KIN: variants seen among roughly 807,000 people sequenced by gnomAD.
KIN encodes Kin17 DNA and RNA binding protein.
KIN carries 47 observed loss-of-function variants against 63.0 expected under a neutral mutation model. The ratio of observed to expected loss-of-function variants is 0.75; its 90% CI spans 0.59 to 0.95. The LOEUF is 0.95. Ranked by LOEUF, KIN falls within the 40% of genes least tolerant of loss-of-function variation. The pLI is 0.00. For synonymous variants in KIN, 160 were observed against 157.7 expected (o/e 1.01, Z -0.11); for missense variants, 408 against 460.9 (o/e 0.89, Z 1.05).
At chr10:7,776,743 A>AG (rs950346617) in intron 5 of KIN, among the ~76,000 whole-genome samples, 1 of 145,462 alleles carries the variant, frequency 6.9e-6, no homozygotes, top group Admixed American at 7.0e-5. Context: ...AAAAAAAAAA[A>AG]AAAAGAAAAG....
rs1835270531 is a variant in KIN at position 7,753,222 on chromosome 10, G to C, written c.*2858C>G. The C allele has an allele frequency of 6.6e-6, 1 of 152,164 alleles. No individual in the cohort carries two copies. Among genetic ancestry groups the C allele is most frequent in the Non-Finnish European group, 1.5e-5 (1 of 68,028 alleles). The allele number at this position is 152,164 out of a possible 1,614,324, so 9.4% of individuals were successfully genotyped here. ...TCTATAATCGTATTTTTATGCTTCA[G>C]ATATTTTTTATTGAATTTAACCTCA... On this transcript the variant is annotated 3_prime_UTR_variant, in exon 13 of 13. Transcript: ENST00000379562.
intron 5 of KIN, among the ~76,000 whole-genome samples, chr10:7,778,620 T>C (rs1273880212): frequency 6.6e-6 from 1 of 152,142 alleles, no homozygotes; most frequent in Non-Finnish European, 1.5e-5. Flanking sequence ...GCGCCTGTAG[T>C]TCCAGGTACT....
intron 1 of KIN, among the ~76,000 whole-genome samples, chr10:7,786,994 C>T (rs1836029282): frequency 2.6e-5 from 4 of 152,122 alleles, no homozygotes; most frequent in South Asian, 2.1e-4. Context: ...GTCCAATCTC[C>T]GGAGAAAAAT....
Position 7,754,106 on chromosome 10 carries a change from G to T in KIN, c.*1974C>A. 2.2e-6 allele frequency: 1 copy of T among 455,926 alleles called. No homozygotes were observed. The highest frequency in any genetic ancestry group is 4.4e-6 in the Non-Finnish European group (1 of 226,776). The allele number at this position is 455,926 out of a possible 1,614,324, so 28.2% of individuals were successfully genotyped here. A position where few individuals can be genotyped will look rare whatever the true frequency, so the allele number is the denominator to read the frequency against. On this transcript the variant is annotated 3_prime_UTR_variant, in exon 13 of 13. Coordinates refer to ENST00000379562, the MANE Select transcript of KIN (RefSeq NM_012311.4). ...ACATTTTAGAAGGCCGAGGCAGGAG[G>T]ATTGCTTGAGCTCAAGAGTTTGAGA...
intron 5 of KIN, among the ~76,000 whole-genome samples, chr10:7,776,042 C>T (rs926227195): frequency 1.3e-5 from 2 of 151,976 alleles, no homozygotes; most frequent in Non-Finnish European, 2.9e-5. Flanking sequence ...GTCTGGCCAA[C>T]ACAGTGAAAC....
intron 1 of KIN, among the ~76,000 whole-genome samples, chr10:7,786,465 G>A (rs185997695): frequency 9.2e-5 from 14 of 152,132 alleles, no homozygotes; most frequent in Admixed American, 2.0e-4. Flanking sequence ...GCATGTCTGC[G>A]TCCCCTCAAA....
intron 2 of KIN, 113 bp from the exon 3 acceptor site, chr10:7,780,420 G>A (rs1835873626): frequency 4.7e-6 from 4 of 848,776 alleles, no homozygotes; most frequent in Non-Finnish European, 7.2e-6. Flanking sequence ...TTGAGACAGA[G>A]TCTCGTTCTC....
At chr10:7,780,501 T>C (rs1433327193) in intron 2 of KIN, among the ~76,000 whole-genome samples, 194 bp from the exon 3 acceptor site, 1 of 152,118 alleles carries the variant, frequency 6.6e-6, no homozygotes, top group Non-Finnish European at 1.5e-5. Context: ...TTCAAGTGAT[T>C]CTCTTGCCTC....
chr10:7,771,299 G>C (rs1436538179), intron 7 of KIN, among the ~76,000 whole-genome samples: 1 of 152,176 alleles, frequency 6.6e-6, no homozygotes, highest in African/African-American at 2.4e-5. Context: ...GGATTAAGCA[G>C]TTATTTTTGG....
At chr10:7,787,216 A>G (rs1202420360) in intron 1 of KIN, among the ~76,000 whole-genome samples, 2 of 152,380 alleles carry the variant, frequency 1.3e-5, no homozygotes, top group East Asian at 3.9e-4. Flanking sequence ...AAAGGGGAAT[A>G]TAAGTAAATA....
In KIN at chr10:7,754,632, A is replaced by AG. The variant is rs1835297862; in HGVS notation, c.*1447dup. The AG allele has an allele frequency of 7.2e-6, 1 of 139,608 alleles. No homozygotes were observed. The highest frequency in any genetic ancestry group is 1.6e-5 in the Non-Finnish European group (1 of 62,242). 8.6% of individuals were successfully genotyped at this position (139,608 alleles called of 1,614,324 possible). A position where few individuals can be genotyped will look rare whatever the true frequency, so the allele number is the denominator to read the frequency against. ...GGGTGACAGAGTGAGACTCTGTGTC[A>AG]GAAAAAAAAAAAAAAAGAAAAAGAA... On this transcript the variant is annotated 3_prime_UTR_variant, in exon 13 of 13. Transcript: ENST00000379562.
chr10:7,757,531 T>A (rs115574756), intron 12 of KIN, among the ~76,000 whole-genome samples: 33,552 of 150,612 alleles, frequency 0.22, 3,919 homozygotes, highest in East Asian at 0.4. Flanking sequence ...AAAATTAAAT[T>A]AAATAAAATT....
intron 10 of KIN, among the ~76,000 whole-genome samples, chr10:7,762,813 A>G (rs1835462363): frequency 6.6e-6 from 1 of 152,234 alleles, no homozygotes; most frequent in African/African-American, 2.4e-5. Context: ...TAAGACTTTA[A>G]GAAATCTAAC....
chr10:7,754,564 T>A lies in KIN; in HGVS notation c.*1516A>T, dbSNP rs572395329. 6.3e-5 allele frequency: 9 copies of A among 141,742 alleles called. No homozygotes were observed. Among genetic ancestry groups the A allele is most frequent in the African/African-American group, 2.4e-4 (9 of 37,276 alleles). 8.8% of individuals were successfully genotyped at this position (141,742 alleles called of 1,614,324 possible). ...AGGAGAATGGCTTGAACCCGGGAGGTGGAGGTTGCAGTGAGCCGAGATTGC... is the reference window on the plus strand; with the variant it reads ...AGGAGAATGGCTTGAACCCGGGAGGAGGAGGTTGCAGTGAGCCGAGATTGC... On this transcript the variant is annotated 3_prime_UTR_variant, in exon 13 of 13. Coordinates refer to ENST00000379562, the MANE Select transcript of KIN (RefSeq NM_012311.4).
At chr10:7,777,904 C>CAA (rs148544006) in intron 5 of KIN, among the ~76,000 whole-genome samples, 26 of 148,342 alleles carry the variant, frequency 1.8e-4, no homozygotes, top group Admixed American at 3.4e-4. Context: ...GTCCCCCCCC[C>CAA]AAAAAAAAAA....
At chr10:7,780,579 C>T (rs11255364) in intron 2 of KIN, among the ~76,000 whole-genome samples, 5,631 of 151,928 alleles carry the variant, frequency 0.037, 355 homozygotes, top group African/African-American at 0.13. Flanking sequence ...TCGTATTTTT[C>T]GTAGGGATGG....
rs773504230 is a variant in KIN at position 7,787,937 on chromosome 10, G to C, written c.-4C>G. The C allele has an allele frequency of 1.9e-6, 3 of 1,601,724 alleles. No individual in the cohort carries two copies. In the Admixed American group the frequency reaches 5.0e-5, roughly 27 times the overall value. Reference sequence around the variant, plus strand: ...TAAGAAAATCCGACTTCCCCATGGCGACCACGGCAGCGATCACTTTCTGGA... The same window carrying C: ...TAAGAAAATCCGACTTCCCCATGGCCACCACGGCAGCGATCACTTTCTGGA... On this transcript the variant is annotated 5_prime_UTR_variant, in exon 1 of 13. Coordinates refer to ENST00000379562, the MANE Select transcript of KIN (RefSeq NM_012311.4).
rs776834809 is a variant in KIN at position 7,775,813 on chromosome 10, A to C, written c.559-14T>G. The C allele has an allele frequency of 3.0e-5, 46 of 1,528,840 alleles. No individual in the cohort carries two copies. The highest frequency in any genetic ancestry group is 3.8e-5 in the Non-Finnish European group (43 of 1,123,814). 94.7% of individuals were successfully genotyped at this position (1,528,840 alleles called of 1,614,324 possible). A position where few individuals can be genotyped will look rare whatever the true frequency, so the allele number is the denominator to read the frequency against. ...AGTAGGGACCTCCTAAAAAAAAGAA[A>C]GTTTTAAGGTTTTGGTGTACATTGC... On this transcript the variant is annotated splice_polypyrimidine_tract_variant and intron_variant, in intron 5 of 12. Transcript: ENST00000379562.
In KIN at chr10:7,769,069, C is replaced by T. The variant is rs1442993676; in HGVS notation, c.798+147G>A. On this transcript the variant is annotated intron_variant, in intron 8 of 12. Coordinates refer to ENST00000379562, the MANE Select transcript of KIN (RefSeq NM_012311.4). ...AAACCTATTTAGGGGGGCTCCAACTCCAGTTCGGGGAACTGTATGTAGCTA... is the reference window on the plus strand; with the variant it reads ...AAACCTATTTAGGGGGGCTCCAACTTCAGTTCGGGGAACTGTATGTAGCTA... The T allele has an allele frequency of 1.3e-5, 8 of 616,924 alleles. No homozygotes were observed. In the East Asian group the frequency reaches 2.5e-4, roughly 19 times the overall value. The allele number at this position is 616,924 out of a possible 1,614,324, so 38.2% of individuals were successfully genotyped here.
Sources: gnomAD v4.1 joint callset for allele counts (sites outside exome capture counted in the v4.1 genomes callset) on GRCh38, gnomAD v4.1.1 for gene constraint, MANE v1.5 for transcripts, NCBI Gene and HGNC (gene_info 2026-07-23, HGNC 2026-07-21) for gene names.